The following RANBP17 variants were observed in gnomAD, a reference collection of about 807,000 sequenced individuals.
The protein encoded by RANBP17 is ran-binding protein 17.
In RANBP17, 158 loss-of-function variants were observed where a neutral mutation model predicts 141.2. The ratio of observed to expected loss-of-function variants is 1.12; its 90% CI spans 0.98 to 1.28. The LOEUF is 1.28. Among genes scored for constraint, RANBP17 ranks in the 50% most tolerant of loss-of-function variants. The pLI is 0.00. For synonymous variants in RANBP17, 430 were observed against 450.0 expected (o/e 0.96, Z 0.56); for missense variants, 1,438 against 1,290.7 (o/e 1.11, Z -1.75).
At chr5:170,874,606 T>C (rs990962613) in intron 1 of RANBP17, among the ~76,000 whole-genome samples, 1 of 152,172 alleles carries the variant, frequency 6.6e-6, no homozygotes, top group Non-Finnish European at 1.5e-5. Context: ...TTTTGATCTT[T>C]GTTGGTTTAA....
chr5:171,255,507 G>A (rs962989761), intron 24 of RANBP17, among the ~76,000 whole-genome samples: 2 of 151,466 alleles, frequency 1.3e-5, no homozygotes, highest in Admixed American at 6.6e-5. Context: ...TTGAGTTCCT[G>A]GTAGTCACAT....
chr5:170,871,168 C>G (rs143746118), intron 1 of RANBP17, among the ~76,000 whole-genome samples: 4,411 of 152,162 alleles, frequency 0.029, 212 homozygotes, highest in African/African-American at 0.098. Context: ...CCTGCCTCAG[C>G]CTCCTGAGTA....
chr5:171,207,306 G>A (rs1762635149), intron 20 of RANBP17: 1 of 152,178 alleles, frequency 6.6e-6, no homozygotes, highest in South Asian at 2.1e-4. Context: ...CTCTTCAACA[G>A]TTTCAACCAA....
chr5:171,195,199 A>C (rs1761900993), intron 18 of RANBP17, among the ~76,000 whole-genome samples: 1 of 152,220 alleles, frequency 6.6e-6, no homozygotes, highest in Admixed American at 6.5e-5. Flanking sequence ...TGTCTTATTA[A>C]GAAAAAAACT....
chr5:170,942,276 C>G (rs1227050924), intron 12 of RANBP17, among the ~76,000 whole-genome samples: 2 of 152,170 alleles, frequency 1.3e-5, no homozygotes, highest in Admixed American at 6.5e-5. Flanking sequence ...AGGTAGGGGA[C>G]TGCTGCTCTA....
chr5:171,121,291 A>G (rs1239954896), intron 14 of RANBP17, among the ~76,000 whole-genome samples: 1 of 152,232 alleles, frequency 6.6e-6, no homozygotes, highest in African/African-American at 2.4e-5. Context: ...CTGCTCCACC[A>G]GTCTGAGGGC....
intron 19 of RANBP17, among the ~76,000 whole-genome samples, chr5:171,202,304 TA>T (rs1762341999): frequency 6.6e-6 from 1 of 152,210 alleles, no homozygotes; most frequent in African/African-American, 2.4e-5. Context: ...TGTTTCCCCC[TA>T]TAATTATGTC....
At chr5:171,083,886 G>A (rs1296023521) in intron 14 of RANBP17, among the ~76,000 whole-genome samples, 6 of 151,956 alleles carry the variant, frequency 3.9e-5, no homozygotes, top group Middle Eastern at 6.8e-3. Context: ...ATGATCGTAA[G>A]GCCTCCCCAG....
intron 3 of RANBP17, among the ~76,000 whole-genome samples, chr5:170,882,964 T>C (rs1768839055): frequency 6.6e-6 from 1 of 152,202 alleles, no homozygotes; most frequent in Non-Finnish European, 1.5e-5. Context: ...GCCTCAAGGT[T>C]AACATAATTT....
At chr5:171,221,696 T>C in intron 21 of RANBP17, 62 bp from the exon 22 acceptor site, 1 of 924,446 alleles carries the variant, frequency 1.1e-6, no homozygotes, top group Admixed American at 1.9e-5. Context: ...TCCTAGGCAT[T>C]TTAAATCTGT....
At chr5:171,201,739 TAAA>T (rs1411102179) in intron 19 of RANBP17, among the ~76,000 whole-genome samples, 2 of 152,352 alleles carry the variant, frequency 1.3e-5, no homozygotes, top group East Asian at 1.9e-4. Context: ...AAGCTACCGA[TAAA>T]AAACTAAATC....
intron 14 of RANBP17, among the ~76,000 whole-genome samples, chr5:171,079,450 TCTC>T (rs1377438570): frequency 3.3e-5 from 5 of 152,326 alleles, no homozygotes; most frequent in African/African-American, 1.2e-4. Context: ...TGAAAGTCGT[TCTC>T]CTGTGGGTCA....
intron 14 of RANBP17, among the ~76,000 whole-genome samples, chr5:170,995,868 T>C (rs966282883): frequency 6.6e-6 from 1 of 152,092 alleles, no homozygotes; most frequent in Admixed American, 6.6e-5. Flanking sequence ...AAAATACATT[T>C]AAATGTTAAT....
At chr5:170,947,908 G>A (rs762721730) in intron 12 of RANBP17, among the ~76,000 whole-genome samples, 17 of 152,234 alleles carry the variant, frequency 1.1e-4, no homozygotes, top group Non-Finnish European at 1.3e-4. Flanking sequence ...CTAGGATGGC[G>A]TCACTTTCAC....
chr5:171,082,037 C>G (rs75577022), intron 14 of RANBP17, among the ~76,000 whole-genome samples: 2,323 of 152,196 alleles, frequency 0.015, 62 homozygotes, highest in African/African-American at 0.053. Context: ...TCACATACTT[C>G]TAATTAATAA....
chr5:171,126,077 C>T (rs1310273004), intron 14 of RANBP17, among the ~76,000 whole-genome samples: 8 of 152,146 alleles, frequency 5.3e-5, no homozygotes, highest in African/African-American at 1.2e-4. Context: ...TGAGCCACTA[C>T]GCCCAGCCGT....
intron 14 of RANBP17, among the ~76,000 whole-genome samples, chr5:171,031,097 A>G (rs114693853): frequency 6.0e-4 from 92 of 152,160 alleles, no homozygotes; most frequent in Middle Eastern, 3.4e-3. Context: ...TGGAAACTTA[A>G]AAGATCAGTT....
intron 14 of RANBP17, among the ~76,000 whole-genome samples, chr5:170,996,739 A>G (rs1778841945): frequency 6.6e-6 from 1 of 152,188 alleles, no homozygotes; most frequent in Non-Finnish European, 1.5e-5. Context: ...CCTTTTAGAA[A>G]AGAATAATTT....
At position 171,058,142 on chromosome 5, in the gene RANBP17, A is replaced by C. The variant is rs188404682; in HGVS notation, c.1710+89765A>C. On this transcript the variant is annotated intron_variant, in intron 14 of 27. Coordinates refer to ENST00000523189, the MANE Select transcript of RANBP17 (RefSeq NM_022897.5). The stretch of plus-strand genomic sequence containing the variant: ...GCATTACCTATTTCTCTCTTACCTC[A>C]CTAATAAAATGTATTTTTTTATTTT... Among the ~76,000 whole-genome samples the C allele has an allele frequency of 2.1e-3, 314 of 152,008 alleles. 1 individual carries two copies. The highest frequency in any genetic ancestry group is 7.4e-3 in the African/African-American group (307 of 41,466).
Sources: gnomAD v4.1 joint callset for allele counts (sites outside exome capture counted in the v4.1 genomes callset) on GRCh38, gnomAD v4.1.1 for gene constraint, MANE v1.5 for transcripts, NCBI Gene and HGNC (gene_info 2026-07-23, HGNC 2026-07-21) for gene names.